The following TBC1D22A variants were observed in gnomAD, a reference collection of about 807,000 sequenced individuals.
The protein encoded by TBC1D22A is TBC1 domain family member 22A.
A neutral mutation model predicts 60.2 loss-of-function variants in TBC1D22A; 38 were observed. The observed-to-expected ratio is 0.63, with a 90% CI of 0.49 to 0.83. TBC1D22A has a LOEUF of 0.83. Among genes scored for constraint, TBC1D22A ranks in the 40% least tolerant of loss-of-function variants. TBC1D22A has a pLI of 0.00. For synonymous variants in TBC1D22A, 302 were observed against 281.7 expected (o/e 1.07, Z -0.72); for missense variants, 628 against 701.0 (o/e 0.90, Z 1.18).
At chr22:47,148,466 A>G (rs2147165863) in intron 12 of TBC1D22A, among the ~76,000 whole-genome samples, 1 of 152,326 alleles carries the variant, frequency 6.6e-6, no homozygotes, top group East Asian at 1.9e-4. Context: ...GGTTGAGAGA[A>G]CAAATGCCCA....
intron 11 of TBC1D22A, among the ~76,000 whole-genome samples, chr22:47,042,985 C>T (rs2062900017): frequency 6.6e-6 from 1 of 152,198 alleles, no homozygotes; most frequent in Non-Finnish European, 1.5e-5. Flanking sequence ...ATCCTGGGCA[C>T]CTTGGGCCCC....
intron 3 of TBC1D22A, among the ~76,000 whole-genome samples, chr22:46,795,655 A>G (rs190505489): frequency 2.6e-5 from 4 of 152,320 alleles, no homozygotes; most frequent in East Asian, 1.9e-4. Flanking sequence ...TATAGTGACA[A>G]TGATACCATA....
rs533645026 is a variant in TBC1D22A at position 46,911,033 on chromosome 22, C to T, written c.901-1041C>T. Among the ~76,000 whole-genome samples the T allele has an allele frequency of 4.7e-3, 722 of 152,156 alleles. 5 individuals carry two copies. Among genetic ancestry groups the T allele is most frequent in the Middle Eastern group, 0.034 (10 of 294 alleles). On this transcript the variant is annotated intron_variant, in intron 7 of 12. Transcript: ENST00000337137. ...TACTGCACTGGGGGTGGTGGGGGCT[C>T]TGTCCGTGGGAGGTGAGGAGCATGC...
chr22:46,995,199 C>T (rs2148224263), intron 9 of TBC1D22A, among the ~76,000 whole-genome samples: 1 of 152,300 alleles, frequency 6.6e-6, no homozygotes, highest in East Asian at 1.9e-4. Context: ...AGATCCTCTC[C>T]CCGGAGCCCA....
Position 46,850,620 on chromosome 22 carries a change from G to A in TBC1D22A, c.638-28033G>A, listed in dbSNP as rs548624391. On this transcript the variant is annotated intron_variant, in intron 4 of 12. Coordinates refer to ENST00000337137, the MANE Select transcript of TBC1D22A (RefSeq NM_014346.5). The stretch of plus-strand genomic sequence containing the variant: ...AGCTGGTGTGGAAAAGAGCCTGAAG[G>A]TTCCTCAAACAGTTCAACATAGAGC... 2.0e-5 allele frequency among the ~76,000 whole-genome samples: 3 copies of A among 152,314 alleles called. No individual in the cohort carries two copies. In the East Asian group the frequency reaches 5.8e-4, roughly 29 times the overall value.
intron 8 of TBC1D22A, among the ~76,000 whole-genome samples, chr22:46,942,445 A>G (rs775382810): frequency 1.9e-4 from 29 of 152,200 alleles, no homozygotes; most frequent in Non-Finnish European, 3.1e-4. Context: ...CTCTGGTCAC[A>G]GCGTTTCAGC....
chr22:47,011,780 C>A (rs1432155607), intron 10 of TBC1D22A, among the ~76,000 whole-genome samples: 1 of 152,186 alleles, frequency 6.6e-6, no homozygotes, highest in Non-Finnish European at 1.5e-5. Flanking sequence ...CTCAAATCCT[C>A]ATCCTACTGC....
At chr22:47,004,771 C>CCT (rs2061526349) in intron 10 of TBC1D22A, among the ~76,000 whole-genome samples, 1 of 151,282 alleles carries the variant, frequency 6.6e-6, no homozygotes, top group Non-Finnish European at 1.5e-5. Context: ...TATACACACT[C>CCT]AGATGCCTAT....
At chr22:46,918,145 G>A (rs1303015552) in intron 8 of TBC1D22A, among the ~76,000 whole-genome samples, 1 of 152,244 alleles carries the variant, frequency 6.6e-6, no homozygotes, top group Non-Finnish European at 1.5e-5. Context: ...CGCAGTAAGT[G>A]TCCAGTATGC....
At chr22:47,145,259 G>A (rs982817707) in intron 12 of TBC1D22A, among the ~76,000 whole-genome samples, 16 of 152,162 alleles carry the variant, frequency 1.1e-4, no homozygotes, top group Non-Finnish European at 1.9e-4. Context: ...GGAGAGGCTC[G>A]GCGTCATCCT....
rs553654544 is a variant in TBC1D22A at position 46,928,084 on chromosome 22, C to A, written c.1015+15896C>A. Reference sequence around the variant, plus strand: ...AAATTGTCGAGCTTATCTTAAAATTCATTTGGGAATTAAAAGAACCCGGAA... The same window carrying A: ...AAATTGTCGAGCTTATCTTAAAATTAATTTGGGAATTAAAAGAACCCGGAA... On this transcript the variant is annotated intron_variant, in intron 8 of 12. Coordinates refer to ENST00000337137, the MANE Select transcript of TBC1D22A (RefSeq NM_014346.5). Among the ~76,000 whole-genome samples, 3 of 149,914 alleles carry A rather than the reference C, an allele frequency of 2.0e-5. No homozygotes were observed. In the South Asian group the frequency reaches 6.4e-4, roughly 32 times the overall value.
intron 11 of TBC1D22A, among the ~76,000 whole-genome samples, chr22:47,046,327 A>G (rs2063032086): frequency 6.6e-6 from 1 of 152,104 alleles, no homozygotes. Flanking sequence ...TCGTGGGGGC[A>G]TCTGTAGGTC....
intron 11 of TBC1D22A, among the ~76,000 whole-genome samples, chr22:47,096,952 C>A (rs1027316043): frequency 6.6e-6 from 1 of 152,280 alleles, no homozygotes; most frequent in East Asian, 1.9e-4. Context: ...CATTCTTCCA[C>A]GTGGATAGCC....
intron 11 of TBC1D22A, among the ~76,000 whole-genome samples, chr22:47,090,802 G>C (rs6009123): frequency 7.6e-6 from 1 of 131,542 alleles, no homozygotes; most frequent in South Asian, 2.6e-4. Context: ...GAGTGGCCTC[G>C]CGGAGGGGGT....
intron 1 of TBC1D22A, among the ~76,000 whole-genome samples, chr22:46,784,042 T>C (rs951551018): frequency 6.6e-6 from 1 of 152,224 alleles, no homozygotes; most frequent in African/African-American, 2.4e-5. Context: ...AAAAAGTTTA[T>C]TGACTAATAT....
chr22:46,804,584 C>T (rs61560876), intron 4 of TBC1D22A, among the ~76,000 whole-genome samples: 2,765 of 152,298 alleles, frequency 0.018, 82 homozygotes, highest in African/African-American at 0.063. Flanking sequence ...ACAGCATTGC[C>T]GGCATCCTTT....
chr22:46,995,944 C>A (rs1028653909), intron 9 of TBC1D22A, among the ~76,000 whole-genome samples: 1 of 152,176 alleles, frequency 6.6e-6, no homozygotes, highest in African/African-American at 2.4e-5. Flanking sequence ...AGTATCAAGC[C>A]CAGATCAGTC....
At chr22:47,116,028 A>G (rs1226591360) in intron 12 of TBC1D22A, 5 of 152,220 alleles carry the variant, frequency 3.3e-5, no homozygotes, top group Admixed American at 6.5e-5. Flanking sequence ...TTCCCAGGGG[A>G]CTGGGGGTCC....
chr22:46,948,451 G>A (rs1196995341), intron 8 of TBC1D22A, among the ~76,000 whole-genome samples: 1 of 152,184 alleles, frequency 6.6e-6, no homozygotes, highest in African/African-American at 2.4e-5. Flanking sequence ...CCACATGCTG[G>A]GTGCCCATGG....
Sources: allele counts gnomAD v4.1 joint callset (sites outside exome capture counted in the v4.1 genomes callset), GRCh38; gene constraint gnomAD v4.1.1; transcripts MANE v1.5; gene names NCBI Gene and HGNC (gene_info 2026-07-23, HGNC 2026-07-21).